MYL4: variants seen among roughly 807,000 people sequenced by gnomAD.
MYL4 encodes the protein atrial myosin light chain 1.
In MYL4, 16 loss-of-function variants were observed where a neutral mutation model predicts 21.6. The ratio of observed to expected loss-of-function variants is 0.74; its 90% confidence interval spans 0.50 to 1.12. The LOEUF (loss-of-function observed/expected upper bound fraction) is 1.12, where lower values mean the gene tolerates loss of function less well. MYL4 is among the 50% of genes most tolerant of loss of function. The probability of loss-of-function intolerance (pLI) is 0.00; values close to 1 mark genes in which losing one functional copy is unlikely to be tolerated. For missense variants in MYL4, 249 were observed against 252.9 expected, an observed-to-expected ratio of 0.98 and a Z score of 0.11; for synonymous variants, 82 against 95.7, an observed-to-expected ratio of 0.86 and a Z score of 0.83.
At chr17:47,206,931 C>T (rs1396818785), upstream of MYL4, among the ~76,000 whole-genome samples, 1 of 152,180 alleles carries the variant, frequency 6.6e-6, no homozygotes, top group Non-Finnish European at 1.5e-5. Context: ...CCTGGGCTTC[C>T]ACTTTTTCTC....
chr17:47,194,023 T>A, the MYL4 span, among the ~76,000 whole-genome samples: 1 of 152,270 alleles, frequency 6.6e-6, no homozygotes, highest in African/African-American at 2.4e-5. Flanking sequence ...GTGCTGGGAT[T>A]ACAGGCGTAA....
At chr17:47,202,561 A>G (rs562048781) in intron 1 of MYL4, among the ~76,000 whole-genome samples, 1 of 152,336 alleles carries the variant, frequency 6.6e-6, no homozygotes, top group East Asian at 1.9e-4. Flanking sequence ...ATTTTAGCAG[A>G]ATTGACTTGA....
the MYL4 span, among the ~76,000 whole-genome samples, chr17:47,192,104 C>T: frequency 3.3e-5 from 5 of 152,158 alleles, no homozygotes; most frequent in East Asian, 7.7e-4. Context: ...CCTGTAATCC[C>T]AACACTTTGG....
chr17:47,193,175 C>T, the MYL4 span, among the ~76,000 whole-genome samples: 1 of 151,888 alleles, frequency 6.6e-6, no homozygotes, highest in African/African-American at 2.4e-5. Flanking sequence ...CACCCCCACC[C>T]CACCCTCACC....
At chr17:47,213,671 G>A (rs1237998079) in intron 1 of MYL4, 128 bp from the exon 2 acceptor site, 14 of 891,240 alleles carry the variant, frequency 1.6e-5, no homozygotes, top group Non-Finnish European at 2.6e-5. Context: ...CACCTTCCCT[G>A]CTTATCAGTG....
downstream of MYL4, among the ~76,000 whole-genome samples, chr17:47,227,162 C>A (rs538462856): frequency 2.2e-4 from 34 of 152,188 alleles, no homozygotes; most frequent in African/African-American, 7.9e-4. Flanking sequence ...AGCCGGGAAG[C>A]ATTTTCTACT....
chr17:47,198,423 C>T (rs968792523), upstream of MYL4, among the ~76,000 whole-genome samples: 7 of 152,002 alleles, frequency 4.6e-5, no homozygotes, highest in Non-Finnish European at 8.8e-5. Flanking sequence ...TCTATAGCAT[C>T]TGGAGTGGAT....
intron 1 of MYL4, among the ~76,000 whole-genome samples, chr17:47,201,009 T>TA (rs1239924270): frequency 6.6e-6 from 1 of 152,042 alleles, no homozygotes; most frequent in Non-Finnish European, 1.5e-5. Flanking sequence ...CTGTCTCTAC[T>TA]AAAAATACAA....
chr17:47,207,673 TAG>T (rs1456327678), upstream of MYL4, among the ~76,000 whole-genome samples: 4 of 152,244 alleles, frequency 2.6e-5, no homozygotes, highest in Non-Finnish European at 5.9e-5. Context: ...CTCTGAACTG[TAG>T]AGTCTAAAGA....
chr17:47,225,276 T>C (rs1030803951), downstream of MYL4, among the ~76,000 whole-genome samples: 1 of 152,204 alleles, frequency 6.6e-6, no homozygotes, highest in Non-Finnish European at 1.5e-5. Context: ...GTTTCCCAGA[T>C]TTTCTTTGAG....
At chr17:47,209,728 G>A in intron 1 of MYL4, 171 bp downstream of exon 1, 1 of 932,594 alleles carries the variant, frequency 1.1e-6, no homozygotes, top group Non-Finnish European at 1.7e-6. Context: ...GCTGATGAGG[G>A]GGAGATTGAG....
intron 2 of MYL4, among the ~76,000 whole-genome samples, chr17:47,216,655 A>G (rs1313750356): frequency 6.7e-6 from 1 of 148,426 alleles, no homozygotes; most frequent in Non-Finnish European, 1.5e-5. Flanking sequence ...TTCAGGTTTC[A>G]CCCTCTTATT....
At chr17:47,190,537 G>A in the MYL4 span, among the ~76,000 whole-genome samples, 1 of 152,194 alleles carries the variant, frequency 6.6e-6, no homozygotes, top group Non-Finnish European at 1.5e-5. Context: ...TTCCCTTTGG[G>A]TGATGTTAGA....
rs771938007 is a variant in MYL4 at position 47,219,977 on chromosome 17, G to A, written c.237G>A (p.Gly79=). Residue 79 remains glycine (G), a synonymous_variant, in exon 3 of 7, where the codon GGG becomes GGA. Coordinates refer to ENST00000393450, the MANE Select transcript of MYL4 (RefSeq NM_002476.2). ...GEMKITYGQC[G]DVLRALGQNP... is the part of the protein sequence containing the mutation. ...TGAAGATCACCTACGGCCAGTGCGG[G>A]GATGTACTGCGGGCCCTGGGCCAGA... 2 of 1,614,214 alleles carry A rather than the reference G, an allele frequency of 1.2e-6. No homozygotes were observed. The highest frequency in any genetic ancestry group is 2.2e-5 in the East Asian group (1 of 44,880).
chr17:47,221,976 ATGACC>A lies in MYL4; in HGVS notation c.487+125_487+129del, dbSNP rs1305032327. On this transcript the variant is annotated intron_variant, in intron 4 of 6. Transcript: ENST00000393450. ...CAAGGGTCTTTGCATCCTGAGGATA[ATGACC>A]TGATCCAGGCCCTGTCTCCCTGGGC... 11 of 1,139,352 alleles carry A rather than the reference ATGACC, an allele frequency of 9.7e-6. No individual in the cohort carries two copies. The African/African-American group carries it at 1.7e-4, about 18-fold the overall frequency. The allele number at this position is 1,139,352 out of a possible 1,614,324, so 70.6% of individuals were successfully genotyped here. A position where few individuals can be genotyped will look rare whatever the true frequency, so the allele number is the denominator to read the frequency against.
chr17:47,200,033 G>A (rs918749570), upstream of MYL4, among the ~76,000 whole-genome samples: 6 of 151,006 alleles, frequency 4.0e-5, no homozygotes, highest in African/African-American at 7.3e-5. Context: ...GAGCCACCAC[G>A]CCTGGCCTCA....
Position 47,220,012 on chromosome 17 carries a change from A to T in MYL4, c.272A>T (p.Asn91Ile), listed in dbSNP as rs142769650. ...CGGGCCCTGGGCCAGAACCCTACCA[A>T]TGCCGAGGTGCTGCGTGTGCTGGGC... ...VLRALGQNPTNAEVLRVLGKP... is the reference protein window; with the variant it reads ...VLRALGQNPTIAEVLRVLGKP... Residue 91 changes from asparagine to isoleucine, a missense_variant, in exon 3 of 7, where the codon AAT (asparagine) becomes ATT (isoleucine). Coordinates refer to ENST00000393450, the MANE Select transcript of MYL4 (RefSeq NM_002476.2). 6.2e-7 allele frequency: 1 copy of T among 1,614,156 alleles called. No individual in the cohort carries two copies. Among genetic ancestry groups the T allele is most frequent in the Non-Finnish European group, 8.5e-7 (1 of 1,180,002 alleles).
intron 2 of MYL4, among the ~76,000 whole-genome samples, chr17:47,216,324 C>A (rs1449848192): frequency 1.0e-5 from 1 of 97,256 alleles, no homozygotes; most frequent in African/African-American, 4.0e-5. Flanking sequence ...TTTTTTTTTT[C>A]TAGTTGTAGT....
intron 2 of MYL4, among the ~76,000 whole-genome samples, chr17:47,218,777 A>T (rs929280093): frequency 6.6e-6 from 1 of 152,140 alleles, no homozygotes; most frequent in African/African-American, 2.4e-5. Context: ...ACAGAGCGAG[A>T]CTCTGTCTCA....
Sources: allele counts gnomAD v4.1 joint callset (sites outside exome capture counted in the v4.1 genomes callset), GRCh38; gene constraint gnomAD v4.1.1; transcripts MANE v1.5; gene names NCBI Gene and HGNC (gene_info 2026-07-23, HGNC 2026-07-21).